NRG1: variants seen among roughly 807,000 people sequenced by gnomAD.
NRG1 encodes the protein pro-neuregulin-1, membrane-bound isoform.
A neutral mutation model predicts 63.8 loss-of-function variants in NRG1; 18 were observed. The observed-to-expected ratio is 0.28, with a 90% CI of 0.19 to 0.42. The LOEUF is 0.42. NRG1 is among the 10% of genes least tolerant of loss of function. The pLI, the probability that NRG1 is intolerant of heterozygous loss-of-function variation, is 1.00. For synonymous variants in NRG1, 302 were observed against 301.3 expected, an observed-to-expected ratio of 1.00 and a Z score of -0.02; for missense variants, 762 against 814.7, an observed-to-expected ratio of 0.94 and a Z score of 0.79.
At chr8:32,660,604 T>G (rs1802609259) in intron 5 of NRG1, among the ~76,000 whole-genome samples, 1 of 152,128 alleles carries the variant, frequency 6.6e-6, no homozygotes, top group South Asian at 2.1e-4. Flanking sequence ...GATAGTATGG[T>G]GATTAAGAGC....
intron 1 of NRG1, among the ~76,000 whole-genome samples, chr8:31,770,510 C>T (rs10103864): frequency 0.017 from 2,620 of 151,246 alleles, 84 homozygotes; most frequent in African/African-American, 0.06. Flanking sequence ...AGCAAACTAT[C>T]GCAAGGACAA....
At chr8:32,762,038 C>CAAAAA (rs11407724) in intron 11 of NRG1, among the ~76,000 whole-genome samples, 14 of 81,432 alleles carry the variant, frequency 1.7e-4, no homozygotes, top group South Asian at 6.0e-4. Flanking sequence ...GACTCCGCCT[C>CAAAAA]AAAAAAAAAA....
At chr8:32,439,874 A>AAT (rs147012828) in intron 1 of NRG1, among the ~76,000 whole-genome samples, 41,863 of 150,830 alleles carry the variant, frequency 0.28, 6,155 homozygotes, top group South Asian at 0.35. Flanking sequence ...GGGCTCAAGC[A>AAT]ATCCTCATCC....
At position 32,744,126 on chromosome 8, in the gene NRG1, G is replaced by T. The variant is rs139804141; in HGVS notation, c.691+1393G>T. ...AGTGATGTAAGTTGGTTATTTAGGG[G>T]TCCTAAAAGAATCAGATTTACCCTT... On this transcript the variant is annotated intron_variant, in intron 7 of 11. Coordinates refer to ENST00000356819, the Ensembl canonical transcript of NRG1. Among the ~76,000 whole-genome samples the T allele has an allele frequency of 1.0e-3, 155 of 152,176 alleles. 5 individuals carry two copies. In the East Asian group the frequency reaches 0.026, roughly 25 times the overall value.
At chr8:31,854,387 G>C (rs184409468) in intron 1 of NRG1, among the ~76,000 whole-genome samples, 1 of 152,208 alleles carries the variant, frequency 6.6e-6, no homozygotes, top group Non-Finnish European at 1.5e-5. Flanking sequence ...TAGATTTCTA[G>C]TTTATTTGCG....
At chr8:31,880,960 A>G (rs1382368692) in intron 1 of NRG1, among the ~76,000 whole-genome samples, 3 of 152,318 alleles carry the variant, frequency 2.0e-5, no homozygotes, top group Admixed American at 1.3e-4. Context: ...TTGAGTCACA[A>G]AATTTAGTTG....
chr8:32,036,376 T>A (rs1482170554), intron 1 of NRG1, among the ~76,000 whole-genome samples: 1 of 152,200 alleles, frequency 6.6e-6, no homozygotes, highest in Non-Finnish European at 1.5e-5. Flanking sequence ...TTTCTTCATT[T>A]TGACATTGAA....
intron 1 of NRG1, among the ~76,000 whole-genome samples, chr8:32,000,939 CT>C (rs1202733740): frequency 1.3e-5 from 2 of 151,814 alleles, no homozygotes; most frequent in African/African-American, 4.8e-5. Flanking sequence ...ATAAATACCC[CT>C]ATTACACATA....
intron 5 of NRG1, among the ~76,000 whole-genome samples, chr8:32,666,274 T>C (rs1804133440): frequency 6.6e-6 from 1 of 152,200 alleles, no homozygotes; most frequent in South Asian, 2.1e-4. Context: ...AATGTGGGAA[T>C]GTAGGCAGAA....
chr8:32,019,683 C>T (rs973155353), intron 1 of NRG1, among the ~76,000 whole-genome samples: 3 of 152,082 alleles, frequency 2.0e-5, no homozygotes, highest in Non-Finnish European at 2.9e-5. Context: ...GATCTGTATC[C>T]ACCTGGTATT....
chr8:32,266,191 T>C (rs1266291834), intron 1 of NRG1, among the ~76,000 whole-genome samples: 1 of 152,186 alleles, frequency 6.6e-6, no homozygotes, highest in Non-Finnish European at 1.5e-5. Context: ...TGTGCGCTGA[T>C]GTGTAGGAGT....
At chr8:32,342,861 A>G (rs1031152774) in intron 1 of NRG1, among the ~76,000 whole-genome samples, 1 of 152,206 alleles carries the variant, frequency 6.6e-6, no homozygotes, top group African/African-American at 2.4e-5. Context: ...ACCGTGGTCC[A>G]CTTCAACAGT....
chr8:32,576,947 T>C (rs1296819088), intron 1 of NRG1, among the ~76,000 whole-genome samples: 1 of 152,124 alleles, frequency 6.6e-6, no homozygotes, highest in Non-Finnish European at 1.5e-5. Flanking sequence ...ACCCAATAGT[T>C]GGTTTTTCAA....
chr8:32,206,816 T>C (rs896069276), intron 1 of NRG1, among the ~76,000 whole-genome samples: 1 of 152,212 alleles, frequency 6.6e-6, no homozygotes, highest in African/African-American at 2.4e-5. Flanking sequence ...GTCTCCAGTG[T>C]CTATAATTCC....
At chr8:32,259,164 C>G (rs148727128) in intron 1 of NRG1, among the ~76,000 whole-genome samples, 2 of 152,192 alleles carry the variant, frequency 1.3e-5, no homozygotes, top group Non-Finnish European at 2.9e-5. Context: ...TGAGAAAAAC[C>G]AAGTAAGTTT....
At chr8:31,785,575 A>G (rs980184436) in intron 1 of NRG1, among the ~76,000 whole-genome samples, 13 of 152,320 alleles carry the variant, frequency 8.5e-5, no homozygotes, top group Admixed American at 5.2e-4. Context: ...GATCAGTAAC[A>G]ACAGTTATGC....
At chr8:31,816,856 A>G (rs978533878) in intron 1 of NRG1, among the ~76,000 whole-genome samples, 1 of 152,174 alleles carries the variant, frequency 6.6e-6, no homozygotes, top group African/African-American at 2.4e-5. Context: ...TTTTCCTGAC[A>G]TCTATAAAAA....
chr8:32,592,243 G>A (rs2129536516), intron 1 of NRG1, among the ~76,000 whole-genome samples: 1 of 152,192 alleles, frequency 6.6e-6, no homozygotes, highest in South Asian at 2.1e-4. Flanking sequence ...CTAAGAACAA[G>A]GAGATTCCTT....
intron 5 of NRG1, among the ~76,000 whole-genome samples, chr8:32,636,381 A>T (rs1423606602): frequency 6.6e-6 from 1 of 152,180 alleles, no homozygotes; most frequent in African/African-American, 2.4e-5. Context: ...TGCATCATAC[A>T]TATTTAATAG....
Sources: allele counts gnomAD v4.1 joint callset (sites outside exome capture counted in the v4.1 genomes callset), GRCh38; gene constraint gnomAD v4.1.1; transcripts MANE v1.5; gene names NCBI Gene and HGNC (gene_info 2026-07-23, HGNC 2026-07-21).